Variants in NSMCE1 observed in about 807,000 individuals in gnomAD.
NSMCE1 encodes the protein NSE1 component of SMC5/6 complex.
Under a neutral mutation model 29.6 loss-of-function variants are expected in NSMCE1, and 18 were observed. That is an observed-to-expected ratio of 0.61 (90% confidence interval 0.42 to 0.90). The LOEUF is 0.90. NSMCE1 is among the 40% of genes least tolerant of loss of function. The pLI, the probability that NSMCE1 is intolerant of heterozygous loss-of-function variation, is 0.00. For missense variants in NSMCE1, 314 were observed against 343.6 expected (o/e 0.91, Z 0.68); for synonymous variants, 124 against 133.4 (o/e 0.93, Z 0.49).
intron 5 of NSMCE1, among the ~76,000 whole-genome samples, chr16:27,231,494 G>A (rs931610904): frequency 1.3e-4 from 20 of 152,276 alleles, no homozygotes; most frequent in South Asian, 8.3e-4. Flanking sequence ...AAAATTAGCC[G>A]GGTGTGATGG....
At chr16:27,236,659 TTAAAA>T (rs1305462239) in intron 2 of NSMCE1, among the ~76,000 whole-genome samples, 2 of 152,034 alleles carry the variant, frequency 1.3e-5, no homozygotes, top group Admixed American at 6.6e-5. Context: ...TTTTTATGTA[TTAAAA>T]TAAATAATTT....
intron 2 of NSMCE1, among the ~76,000 whole-genome samples, chr16:27,246,353 A>C (rs1191290323): frequency 6.6e-6 from 1 of 152,250 alleles, no homozygotes; most frequent in Non-Finnish European, 1.5e-5. Flanking sequence ...ATTAACATTA[A>C]ACATGATAAT....
chr16:27,230,078 TCCTGGGGTGTATGGAGGTGCGC>T (rs998928170), intron 5 of NSMCE1, among the ~76,000 whole-genome samples: 23 of 150,018 alleles, frequency 1.5e-4, no homozygotes, highest in Admixed American at 6.6e-4. Context: ...TAGGGAGCAG[TCCTGGGGTGTATGGAGGTGCGC>T]CGATCAGCAG....
intron 2 of NSMCE1, among the ~76,000 whole-genome samples, chr16:27,247,362 C>T (rs924428949): frequency 1.3e-5 from 2 of 152,190 alleles, no homozygotes; most frequent in Admixed American, 6.5e-5. Flanking sequence ...GTGTTTGCTT[C>T]CCCTTCCACC....
chr16:27,260,375 G>A (rs577432931), intron 1 of NSMCE1, among the ~76,000 whole-genome samples: 80 of 151,750 alleles, frequency 5.3e-4, no homozygotes, highest in African/African-American at 1.9e-3. Flanking sequence ...AAAACAAATA[G>A]TGTATATAAT....
intron 2 of NSMCE1, among the ~76,000 whole-genome samples, chr16:27,251,207 T>TATATATAAA (rs1555477430): frequency 1.4e-5 from 1 of 70,770 alleles, no homozygotes; most frequent in African/African-American, 5.5e-5. Flanking sequence ...TATATATATA[T>TATATATAAA]AAAACTCTGT....
intron 2 of NSMCE1, among the ~76,000 whole-genome samples, chr16:27,251,166 AT>A (rs2084025462): frequency 1.6e-5 from 1 of 63,938 alleles, no homozygotes; most frequent in African/African-American, 2.0e-4. Flanking sequence ...TAAAATATAT[AT>A]ATATATATAT....
At chr16:27,242,883 A>G (rs2083909654) in intron 2 of NSMCE1, among the ~76,000 whole-genome samples, 1 of 152,192 alleles carries the variant, frequency 6.6e-6, no homozygotes, top group Non-Finnish European at 1.5e-5. Context: ...GGGGCTCTGC[A>G]GGGGACGGGA....
At chr16:27,258,511 G>A (rs1253428451) in intron 1 of NSMCE1, among the ~76,000 whole-genome samples, 1 of 152,218 alleles carries the variant, frequency 6.6e-6, no homozygotes, top group Non-Finnish European at 1.5e-5. Context: ...TTTAGGTGAT[G>A]TCAAGATCTG....
At chr16:27,265,217 G>C (rs1448046971) in intron 1 of NSMCE1, among the ~76,000 whole-genome samples, 1 of 143,204 alleles carries the variant, frequency 7.0e-6, no homozygotes, top group Non-Finnish European at 1.5e-5. Context: ...GCCCAGGCTG[G>C]AATGAAGTGA....
chr16:27,231,227 T>C (rs2083758943), intron 5 of NSMCE1, among the ~76,000 whole-genome samples: 1 of 152,246 alleles, frequency 6.6e-6, no homozygotes, highest in Non-Finnish European at 1.5e-5. Flanking sequence ...CTCTGCAACC[T>C]CATCCACCTG....
chr16:27,238,213 T>G lies in NSMCE1; in HGVS notation c.137-2914A>C, dbSNP rs568266872. 9.5e-4 allele frequency among the ~76,000 whole-genome samples: 144 copies of G among 152,296 alleles called. 1 individual carries two copies. Among genetic ancestry groups the G allele is most frequent in the African/African-American group, 2.8e-3 (115 of 41,556 alleles). On this transcript the variant is annotated intron_variant, in intron 2 of 7. Coordinates refer to ENST00000361439, the MANE Select transcript of NSMCE1 (RefSeq NM_145080.4). The stretch of plus-strand genomic sequence containing the variant: ...CCCTCCCGCTCTGTGGGGCCCTGCG[T>G]GAGCCTCTCCCCCACTTCTCATCTC...
intron 2 of NSMCE1, among the ~76,000 whole-genome samples, chr16:27,254,487 T>A (rs2084064414): frequency 6.6e-6 from 1 of 152,192 alleles, no homozygotes; most frequent in Non-Finnish European, 1.5e-5. Flanking sequence ...GCTGTGAAAC[T>A]TCCCCACCAA....
intron 2 of NSMCE1, among the ~76,000 whole-genome samples, chr16:27,250,920 C>T (rs1219459813): frequency 7.0e-6 from 1 of 142,698 alleles, no homozygotes; most frequent in Non-Finnish European, 1.5e-5. Flanking sequence ...CAGCTCACTG[C>T]AACCTCTGCC....
intron 5 of NSMCE1, chr16:27,230,447 C>T (rs1347169396): frequency 1.3e-5 from 2 of 152,304 alleles, no homozygotes; most frequent in Non-Finnish European, 2.9e-5. Flanking sequence ...TCAGTGATTC[C>T]TCCAGAGTGC....
Position 27,233,311 on chromosome 16 carries a change from C to T in NSMCE1, c.337-164G>A, listed in dbSNP as rs561755165. 3.3e-4 allele frequency among the ~76,000 whole-genome samples: 50 copies of T among 152,364 alleles called. 1 individual carries two copies. The South Asian group carries it at 0.01, about 32-fold the overall frequency. On this transcript the variant is annotated intron_variant, in intron 4 of 7. Transcript: ENST00000361439. Reference sequence around the variant, plus strand: ...AAAACAATTTAATGTGCATCAAGAGCCAGGACTGTGCTCAGTTCTTTTGAC... The same window carrying T: ...AAAACAATTTAATGTGCATCAAGAGTCAGGACTGTGCTCAGTTCTTTTGAC...
intron 2 of NSMCE1, among the ~76,000 whole-genome samples, chr16:27,246,517 G>C (rs1294322890): frequency 1.3e-5 from 2 of 151,992 alleles, no homozygotes; most frequent in Non-Finnish European, 2.9e-5. Context: ...TTTGGAACAG[G>C]GTCTTGCTCT....
chr16:27,250,841 C>CTT (rs2084018836), intron 2 of NSMCE1, among the ~76,000 whole-genome samples: 2 of 126,628 alleles, frequency 1.6e-5, no homozygotes, highest in African/African-American at 3.5e-5. Context: ...TTAATTTTAA[C>CTT]TGTTTTTTTT....
At chr16:27,235,894 A>G (rs569366129) in intron 2 of NSMCE1, among the ~76,000 whole-genome samples, 1 of 152,322 alleles carries the variant, frequency 6.6e-6, no homozygotes, top group South Asian at 2.1e-4. Context: ...AGCCCTCAGC[A>G]TGGAGAGGCC....
Sources: gnomAD v4.1 joint callset for allele counts (sites outside exome capture counted in the v4.1 genomes callset) on GRCh38, gnomAD v4.1.1 for gene constraint, MANE v1.5 for transcripts, NCBI Gene and HGNC (gene_info 2026-07-23, HGNC 2026-07-21) for gene names.